Variants in SEMA3C observed in about 807,000 individuals in gnomAD.
SEMA3C encodes semaphorin 3C, also known as semaphorin-3C.
Under a neutral mutation model 89.4 loss-of-function variants are expected in SEMA3C, and 47 were observed. The ratio of observed to expected loss-of-function variants is 0.53; its 90% CI spans 0.42 to 0.67. The LOEUF is 0.67. SEMA3C is among the 30% of genes least tolerant of loss of function. The probability of loss-of-function intolerance (pLI) is 0.00; values close to 1 mark genes in which losing one functional copy is unlikely to be tolerated. For missense variants in SEMA3C, 839 were observed against 929.1 expected (o/e 0.90, Z 1.26); for synonymous variants, 310 against 320.2 (o/e 0.97, Z 0.34).
intron 6 of SEMA3C, among the ~76,000 whole-genome samples, chr7:80,808,782 T>A (rs181505869): frequency 6.6e-6 from 1 of 152,134 alleles, no homozygotes; most frequent in Non-Finnish European, 1.5e-5. Flanking sequence ...GGTCAACACA[T>A]GACAACTCAG....
At chr7:80,821,058 TC>T (rs1287102445) in intron 4 of SEMA3C, among the ~76,000 whole-genome samples, 3 of 152,210 alleles carry the variant, frequency 2.0e-5, no homozygotes, top group Non-Finnish European at 4.4e-5. Flanking sequence ...CATGTATATA[TC>T]TATCTGCTTA....
At chr7:80,815,419 A>G (rs1373751527) in intron 5 of SEMA3C, among the ~76,000 whole-genome samples, 1 of 152,222 alleles carries the variant, frequency 6.6e-6, no homozygotes. Flanking sequence ...GGAGCACAAA[A>G]GCTGGAAATT....
At chr7:80,884,797 T>C (rs559906138) in intron 2 of SEMA3C, among the ~76,000 whole-genome samples, 9 of 152,334 alleles carry the variant, frequency 5.9e-5, no homozygotes, top group South Asian at 4.1e-4. Flanking sequence ...ACACCATAAA[T>C]TTCTGCTTAA....
chr7:80,745,076 C>A lies in SEMA3C; in HGVS notation c.2074G>T (p.Asp692Tyr). Residue 692 changes from aspartate to tyrosine, a missense_variant, in exon 18 of 18, where the codon GAC becomes TAC. Physicochemically the swap from Asp to Tyr is radical, Grantham distance 160 (BLOSUM62 -3). Coordinates refer to ENST00000265361, the MANE Select transcript of SEMA3C (RefSeq NM_006379.5). ...GAGTGGCTGAATGCCCCCATGATGT[C>A]CTTCGGGTGGAAGGGTAAAGCCCTC... ...SVRALPFHPK[D>Y]IMGAFSHSEM... The A allele has an allele frequency of 6.2e-7, 1 of 1,614,054 alleles. No homozygotes were observed. The highest frequency in any genetic ancestry group is 1.1e-5 in the South Asian group (1 of 91,086).
At chr7:80,867,406 A>C (rs997942249) in intron 2 of SEMA3C, among the ~76,000 whole-genome samples, 2 of 152,058 alleles carry the variant, frequency 1.3e-5, no homozygotes, top group Non-Finnish European at 2.9e-5. Context: ...CGGCCTAACA[A>C]ATTTCTTTAT....
chr7:80,903,005 A>G (rs770142102), intron 2 of SEMA3C, among the ~76,000 whole-genome samples: 6 of 152,212 alleles, frequency 3.9e-5, no homozygotes, highest in African/African-American at 7.2e-5. Context: ...GAGAGCCCTG[A>G]CAGGGTTTGA....
At chr7:80,823,288 C>T (rs1483350707) in intron 4 of SEMA3C, among the ~76,000 whole-genome samples, 1 of 152,056 alleles carries the variant, frequency 6.6e-6, no homozygotes, top group South Asian at 2.1e-4. Flanking sequence ...TTAAGTGCTA[C>T]GGATTAGCAC....
At chr7:80,916,255 C>G (rs530787790) in intron 2 of SEMA3C, among the ~76,000 whole-genome samples, 30 of 152,274 alleles carry the variant, frequency 2.0e-4, no homozygotes. Context: ...AGTTTTGAGA[C>G]TAATGCCCAA....
intron 2 of SEMA3C, among the ~76,000 whole-genome samples, chr7:80,888,427 G>T (rs1377240985): frequency 1.3e-5 from 2 of 152,034 alleles, no homozygotes; most frequent in Admixed American, 6.6e-5. Flanking sequence ...TGACATCACT[G>T]CATCCCAGTC....
chr7:80,774,513 A>G (rs1788502806), intron 12 of SEMA3C, among the ~76,000 whole-genome samples: 1 of 152,210 alleles, frequency 6.6e-6, no homozygotes, highest in Non-Finnish European at 1.5e-5. Context: ...CATTAAAGAA[A>G]TAAAGACTAT....
intron 2 of SEMA3C, among the ~76,000 whole-genome samples, chr7:80,873,302 A>T (rs1487514706): frequency 6.6e-6 from 1 of 152,204 alleles, no homozygotes. Flanking sequence ...CAAACGTCAT[A>T]AACTAGTGGC....
chr7:80,903,585 C>T (rs1400412455), intron 2 of SEMA3C, among the ~76,000 whole-genome samples: 3 of 152,202 alleles, frequency 2.0e-5, no homozygotes, highest in African/African-American at 7.2e-5. Context: ...TCACTTGAAC[C>T]CAGGAGGCAA....
At chr7:80,889,601 AG>A (rs1791565593) in intron 2 of SEMA3C, among the ~76,000 whole-genome samples, 2 of 152,190 alleles carry the variant, frequency 1.3e-5, no homozygotes, top group African/African-American at 4.8e-5. Flanking sequence ...GTAAAAGTAT[AG>A]ATTATTTTGG....
intron 2 of SEMA3C, among the ~76,000 whole-genome samples, chr7:80,887,408 G>A (rs1461237327): frequency 1.3e-5 from 2 of 152,106 alleles, no homozygotes; most frequent in Non-Finnish European, 2.9e-5. Flanking sequence ...GAGAGTGAAT[G>A]CCTCTCACTA....
intron 2 of SEMA3C, among the ~76,000 whole-genome samples, chr7:80,884,784 T>C (rs1791433960): frequency 6.6e-6 from 1 of 152,214 alleles, no homozygotes; most frequent in Non-Finnish European, 1.5e-5. Context: ...ACTGCTTTGA[T>C]GTACACCATA....
chr7:80,781,306 T>C (rs1316019981), intron 12 of SEMA3C, among the ~76,000 whole-genome samples: 1 of 152,180 alleles, frequency 6.6e-6, no homozygotes, highest in African/African-American at 2.4e-5. Flanking sequence ...TAGAGATCTT[T>C]TGGGACAGAG....
At chr7:80,834,775 G>T (rs1276550128) in intron 2 of SEMA3C, among the ~76,000 whole-genome samples, 1 of 152,050 alleles carries the variant, frequency 6.6e-6, no homozygotes, top group East Asian at 1.9e-4. Flanking sequence ...TCAAATCTCT[G>T]CTTCAAAAGG....
At position 80,804,145 on chromosome 7, in the gene SEMA3C, GCTC is replaced by G; in HGVS notation, c.759_761del (p.Arg253del). On this transcript the variant is annotated inframe_deletion, in exon 8 of 18. Transcript: ENST00000265361. Reference sequence around the variant, plus strand: ...CAATCATGGAATGAATCTGTTTCGTGCTCCTGTTATTGTCAGTCAGTTTTTCTT... The same window carrying G: ...CAATCATGGAATGAATCTGTTTCGTGCTGTTATTGTCAGTCAGTTTTTCTT... 2.5e-6 allele frequency: 4 copies of G among 1,612,722 alleles called. No individual in the cohort carries two copies. The highest frequency in any genetic ancestry group is 3.4e-6 in the Non-Finnish European group (4 of 1,179,160).
chr7:80,914,067 G>T (rs1792215542), intron 2 of SEMA3C, among the ~76,000 whole-genome samples: 1 of 152,112 alleles, frequency 6.6e-6, no homozygotes, highest in African/African-American at 2.4e-5. Flanking sequence ...AGAATCTAAA[G>T]GTACTTAGAG....
Sources: allele counts gnomAD v4.1 joint callset (sites outside exome capture counted in the v4.1 genomes callset), GRCh38; gene constraint gnomAD v4.1.1; transcripts MANE v1.5; gene names NCBI Gene and HGNC (gene_info 2026-07-23, HGNC 2026-07-21).